SH3GL2: variants seen among roughly 807,000 people sequenced by gnomAD.
The protein encoded by SH3GL2 is SH3 domain containing GRB2 like 2, endophilin A1.
Under a neutral mutation model 46.0 loss-of-function variants are expected in SH3GL2, and 24 were observed. The observed-to-expected ratio is 0.52, with a 90% CI of 0.38 to 0.73. The LOEUF is 0.73. Among genes scored for constraint, SH3GL2 ranks in the 30% least tolerant of loss-of-function variants. The pLI, the probability that SH3GL2 is intolerant of heterozygous loss-of-function variation, is 0.00. For synonymous variants in SH3GL2, 196 were observed against 147.1 expected (o/e 1.33, Z -2.40); for missense variants, 413 against 424.2 (o/e 0.97, Z 0.23).
At chr9:17,579,911 GACAA>G (rs1289158294) in intron 1 of SH3GL2, among the ~76,000 whole-genome samples, 3 of 152,220 alleles carry the variant, frequency 2.0e-5, no homozygotes, top group Non-Finnish European at 4.4e-5. Flanking sequence ...GCCAGGGCAT[GACAA>G]ACAGTCTGCG....
chr9:17,590,648 C>T (rs755286435), intron 1 of SH3GL2: 15 of 152,240 alleles, frequency 9.9e-5, no homozygotes, highest in Non-Finnish European at 1.6e-4. Context: ...GCTCATCGTC[C>T]CTATGTTCTA....
chr9:17,711,865 GTTTA>G (rs1821634007), intron 1 of SH3GL2, among the ~76,000 whole-genome samples: 2 of 151,774 alleles, frequency 1.3e-5, no homozygotes, highest in African/African-American at 4.8e-5. Context: ...GTAGATGTAT[GTTTA>G]ACTTTTAAAA....
intron 1 of SH3GL2, among the ~76,000 whole-genome samples, chr9:17,614,690 C>T (rs561480258): frequency 3.9e-5 from 6 of 152,206 alleles, no homozygotes; most frequent in East Asian, 1.9e-4. Flanking sequence ...CACTGCTTCA[C>T]GAATGGAGAA....
At chr9:17,771,671 C>G (rs921322674) in intron 3 of SH3GL2, among the ~76,000 whole-genome samples, 4 of 152,184 alleles carry the variant, frequency 2.6e-5, no homozygotes, top group Admixed American at 6.5e-5. Flanking sequence ...TGTGTTGGCA[C>G]CTTGCAGCAC....
At chr9:17,753,703 C>A (rs916318530) in intron 2 of SH3GL2, among the ~76,000 whole-genome samples, 1 of 152,060 alleles carries the variant, frequency 6.6e-6, no homozygotes, top group African/African-American at 2.4e-5. Flanking sequence ...TTAATTTTCG[C>A]CTTGGTTGCA....
intron 8 of SH3GL2, 114 bp from the exon 9 acceptor site, chr9:17,795,430 G>T (rs941270116): frequency 4.1e-6 from 3 of 730,348 alleles, no homozygotes; most frequent in African/African-American, 3.5e-5. Context: ...AGAGGAATGA[G>T]GGAGGAAAGA....
At chr9:17,586,505 C>T (rs1428716083) in intron 1 of SH3GL2, among the ~76,000 whole-genome samples, 1 of 152,146 alleles carries the variant, frequency 6.6e-6, no homozygotes, top group Non-Finnish European at 1.5e-5. Context: ...AGTCTGTTCT[C>T]ATGTTGCTAA....
chr9:17,673,432 C>A (rs889741063), intron 1 of SH3GL2, among the ~76,000 whole-genome samples: 1 of 151,886 alleles, frequency 6.6e-6, no homozygotes, highest in African/African-American at 2.4e-5. Context: ...AGGCATGAGC[C>A]ACCACGCCTG....
In SH3GL2 at chr9:17,643,358, CTATTTGAATACCTT is replaced by C. The variant is rs757169535; in HGVS notation, c.45+64077_45+64090del. Among the ~76,000 whole-genome samples the C allele has an allele frequency of 6.3e-4, 96 of 152,276 alleles. No homozygotes were observed. In the Middle Eastern group the frequency reaches 0.017, roughly 27 times the overall value. ...GACAATAGTTTGAGTTCTTCTCTTCCTATTTGAATACCTTTATTTCTTTCTCTTGCCTTATTGCC... is the reference window on the plus strand; with the variant it reads ...GACAATAGTTTGAGTTCTTCTCTTCCTATTTCTTTCTCTTGCCTTATTGCC... On this transcript the variant is annotated intron_variant, in intron 1 of 8. Coordinates refer to ENST00000380607, the MANE Select transcript of SH3GL2 (RefSeq NM_003026.5).
In SH3GL2 at chr9:17,767,108, C is replaced by G. The variant is rs7042298; in HGVS notation, c.187+5599C>G. On this transcript the variant is annotated intron_variant, in intron 3 of 8. Transcript: ENST00000380607. ...TGATAATCTAATACAAATTTCCAAA[C>G]TGCTTACATAAAAAGCAGCTTGAAT... 2.4e-3 allele frequency among the ~76,000 whole-genome samples: 367 copies of G among 152,276 alleles called. 1 individual carries two copies. The highest frequency in any genetic ancestry group is 8.3e-3 in the African/African-American group (343 of 41,564).
At chr9:17,667,206 A>G (rs1478699652) in intron 1 of SH3GL2, among the ~76,000 whole-genome samples, 3 of 151,944 alleles carry the variant, frequency 2.0e-5, no homozygotes, top group East Asian at 3.8e-4. Flanking sequence ...TTCTTTTTTG[A>G]TTGGGATATA....
At chr9:17,676,700 A>C (rs187260863) in intron 1 of SH3GL2, among the ~76,000 whole-genome samples, 1 of 152,238 alleles carries the variant, frequency 6.6e-6, no homozygotes, top group Non-Finnish European at 1.5e-5. Flanking sequence ...ATTTTGCTAC[A>C]TAGCCTCAAT....
intron 2 of SH3GL2, among the ~76,000 whole-genome samples, chr9:17,757,592 A>G (rs761076147): frequency 2.0e-5 from 3 of 152,230 alleles, no homozygotes; most frequent in South Asian, 4.1e-4. Context: ...TCAGGAGCTT[A>G]TAAGATGAGA....
At chr9:17,668,219 C>T (rs1024754847) in intron 1 of SH3GL2, among the ~76,000 whole-genome samples, 1 of 152,130 alleles carries the variant, frequency 6.6e-6, no homozygotes, top group African/African-American at 2.4e-5. Flanking sequence ...AGACTAATGA[C>T]GATGTTTTCT....
intron 5 of SH3GL2, 142 bp from the exon 6 acceptor site, chr9:17,789,250 T>C: frequency 3.2e-6 from 2 of 634,730 alleles, no homozygotes; most frequent in Non-Finnish European, 5.6e-6. Flanking sequence ...TGATGCATGT[T>C]TCTTTATTTC....
chr9:17,624,308 C>T (rs958829947), intron 1 of SH3GL2, among the ~76,000 whole-genome samples: 1 of 152,120 alleles, frequency 6.6e-6, no homozygotes, highest in East Asian at 1.9e-4. Context: ...CTCTTTCTTC[C>T]CTTGCAATAA....
intron 2 of SH3GL2, among the ~76,000 whole-genome samples, chr9:17,750,785 G>C (rs948906454): frequency 1.3e-5 from 2 of 152,172 alleles, no homozygotes; most frequent in African/African-American, 4.8e-5. Context: ...GTTTTTTGTT[G>C]TGTGTACAGT....
rs1588339925 is a variant in SH3GL2, at chr9:17,790,423, A to G, written c.625-808A>G. Reference sequence around the variant, plus strand: ...CCTTACTCCTGACTGTGGCAGGGGAAGTGTGTTGAACATATCCAGACTTTC... The same window carrying G: ...CCTTACTCCTGACTGTGGCAGGGGAGGTGTGTTGAACATATCCAGACTTTC... On this transcript the variant is annotated intron_variant, in intron 6 of 8. Transcript: ENST00000380607. 3.0e-6 allele frequency: 3 copies of G among 984,582 alleles called. No homozygotes were observed. The African/African-American group carries it at 5.2e-5, about 17-fold the overall frequency. The allele number at this position is 984,582 out of a possible 1,614,324, so 61.0% of individuals were successfully genotyped here.
intron 1 of SH3GL2, among the ~76,000 whole-genome samples, chr9:17,597,164 A>T (rs1032840543): frequency 6.6e-6 from 1 of 152,180 alleles, no homozygotes; most frequent in African/African-American, 2.4e-5. Context: ...TACCAAATTG[A>T]TGTTTTTATT....
Sources: gnomAD v4.1 joint callset for allele counts (sites outside exome capture counted in the v4.1 genomes callset) on GRCh38, gnomAD v4.1.1 for gene constraint, MANE v1.5 for transcripts, NCBI Gene and HGNC (gene_info 2026-07-23, HGNC 2026-07-21) for gene names.